ADRA1D: variants seen among roughly 807,000 people sequenced by gnomAD.
ADRA1D encodes adrenoceptor alpha 1D.
ADRA1D carries 22 observed loss-of-function variants against 18.6 expected under a neutral mutation model. That is an observed-to-expected ratio of 1.19 (90% CI 0.85 to 1.69). The LOEUF (loss-of-function observed/expected upper bound fraction) is 1.69. Among genes scored for constraint, ADRA1D ranks in the 40% most tolerant of loss-of-function variants. The pLI is 0.00. For synonymous variants in ADRA1D, 376 were observed against 388.2 expected (o/e 0.97, Z 0.37); for missense variants, 840 against 840.7 (o/e 1.00, Z 0.01).
At chr20:4,230,005 C>G (rs546409348) in intron 1 of ADRA1D, among the ~76,000 whole-genome samples, 1 of 152,262 alleles carries the variant, frequency 6.6e-6, no homozygotes, top group East Asian at 1.9e-4. Flanking sequence ...TTCCCTGTTG[C>G]TTTTTGGACA....
At chr20:4,230,683 G>A (rs1267032141) in intron 1 of ADRA1D, among the ~76,000 whole-genome samples, 1 of 152,166 alleles carries the variant, frequency 6.6e-6, no homozygotes, top group African/African-American at 2.4e-5. Context: ...GGAATCAATC[G>A]AAACATGGTG....
chr20:4,231,080 C>CTCTTT (rs940558020), intron 1 of ADRA1D, among the ~76,000 whole-genome samples: 5 of 53,698 alleles, frequency 9.3e-5, no homozygotes, highest in Non-Finnish European at 1.8e-4. Flanking sequence ...CTCTCTCTCT[C>CTCTTT]TCTTTTCTTT....
At chr20:4,234,287 A>G (rs1030474368) in intron 1 of ADRA1D, among the ~76,000 whole-genome samples, 2 of 152,208 alleles carry the variant, frequency 1.3e-5, no homozygotes, top group African/African-American at 4.8e-5. Context: ...TGCTGAGGAC[A>G]GACGGCGCTG....
chr20:4,231,038 T>TTC lies in ADRA1D; in HGVS notation c.1112-8909_1112-8908insGA, dbSNP rs71332805. On this transcript the variant is annotated intron_variant, in intron 1 of 1. Transcript: ENST00000379453. Reference sequence around the variant, plus strand: ...TTCTTTTCTCTTTCTCTTTCTTTCTTTTTCTTTCTTTCTTTCTTTCTTTCT... The same window carrying TTC: ...TTCTTTTCTCTTTCTCTTTCTTTCTTTCTTTCTTTCTTTCTTTCTTTCTTTCT... Among the ~76,000 whole-genome samples, 238 of 108,578 alleles carry TTC rather than the reference T, an allele frequency of 2.2e-3. 7 individuals carry two copies. The highest frequency in any genetic ancestry group is 6.3e-3 in the African/African-American group (166 of 26,398). 71.2% of individuals were successfully genotyped at this position (108,578 alleles called of 152,430 possible).
intron 1 of ADRA1D, among the ~76,000 whole-genome samples, chr20:4,242,599 A>C (rs1981238354): frequency 6.6e-6 from 1 of 152,210 alleles, no homozygotes; most frequent in Non-Finnish European, 1.5e-5. Flanking sequence ...AGAGAGGCTC[A>C]GGTGTGGCTC....
intron 1 of ADRA1D, among the ~76,000 whole-genome samples, chr20:4,230,636 C>T (rs1004740925): frequency 6.6e-6 from 1 of 152,232 alleles, no homozygotes; most frequent in African/African-American, 2.4e-5. Context: ...CTCTCCTTTC[C>T]CTTCTGAAAA....
At chr20:4,234,065 C>T (rs974018004) in intron 1 of ADRA1D, among the ~76,000 whole-genome samples, 2 of 152,206 alleles carry the variant, frequency 1.3e-5, no homozygotes, top group African/African-American at 4.8e-5. Flanking sequence ...CCTGTGTCAG[C>T]AAGAAAAGCC....
At chr20:4,245,970 C>T (rs1981327563) in intron 1 of ADRA1D, among the ~76,000 whole-genome samples, 1 of 152,160 alleles carries the variant, frequency 6.6e-6, no homozygotes, top group Admixed American at 6.5e-5. Context: ...GTATCCACTA[C>T]AAAAGCTACA....
intron 1 of ADRA1D, among the ~76,000 whole-genome samples, chr20:4,224,052 A>AG (rs1980735746): frequency 1.3e-5 from 2 of 152,180 alleles, no homozygotes; most frequent in African/African-American, 4.8e-5. Context: ...CAGGCGGGCA[A>AG]GAAAATACCA....
At chr20:4,231,506 C>T (rs747257128) in intron 1 of ADRA1D, among the ~76,000 whole-genome samples, 1 of 152,124 alleles carries the variant, frequency 6.6e-6, no homozygotes, top group Non-Finnish European at 1.5e-5. Flanking sequence ...CTGACTCGAA[C>T]GAAGCAGGGA....
At chr20:4,234,136 G>A (rs1312596883) in intron 1 of ADRA1D, among the ~76,000 whole-genome samples, 1 of 152,212 alleles carries the variant, frequency 6.6e-6, no homozygotes, top group African/African-American at 2.4e-5. Context: ...ACTGAAGCAG[G>A]GGGTTTGTTT....
At chr20:4,231,026 CTCTTTCTTTCTTTTTCTTTCTT>C (rs1270842423) in intron 1 of ADRA1D, among the ~76,000 whole-genome samples, 1 of 122,900 alleles carries the variant, frequency 8.1e-6, no homozygotes, top group Non-Finnish European at 1.7e-5. Context: ...TTTTCTCTTT[CTCTTTCTTTCTTTTTCTTTCTT>C]TCTTTCTTTC....
rs145257479 is a variant in ADRA1D, at chr20:4,239,212, G to C, written c.1111+8635C>G. Among the ~76,000 whole-genome samples, 1 of 152,222 alleles carries C rather than the reference G, an allele frequency of 6.6e-6. No homozygotes were observed. The highest frequency in any genetic ancestry group is 1.9e-4 in the East Asian group (1 of 5,174). ...GGAGTCACACTGATGACCAGGGTAG[G>C]GGTGGGAGTGAGGAAAAAACAGTGT... On this transcript the variant is annotated intron_variant, in intron 1 of 1. Coordinates refer to ENST00000379453, the MANE Select transcript of ADRA1D (RefSeq NM_000678.4). This position sits in a 1 kb window ranked among gnomAD's most constrained non-coding sequence, Gnocchi z 4.9.
chr20:4,231,794 A>T (rs1014235003), intron 1 of ADRA1D, among the ~76,000 whole-genome samples: 5 of 152,170 alleles, frequency 3.3e-5, no homozygotes, highest in Non-Finnish European at 5.9e-5. Context: ...TTAAACAGAG[A>T]AACAGAACTC....
chr20:4,235,746 T>A (rs1272513301), intron 1 of ADRA1D, among the ~76,000 whole-genome samples: 1 of 152,234 alleles, frequency 6.6e-6, no homozygotes, highest in Non-Finnish European at 1.5e-5. Context: ...CCACACTGGC[T>A]TTCAGAGACT....
In ADRA1D at chr20:4,248,965, C is replaced by T; in HGVS notation, c.-8G>A. The T allele has an allele frequency of 7.4e-7, 1 of 1,349,322 alleles. No individual in the cohort carries two copies. Among genetic ancestry groups the T allele is most frequent in the Non-Finnish European group, 9.6e-7 (1 of 1,039,484 alleles). The allele number at this position is 1,349,322 out of a possible 1,614,324, so 83.6% of individuals were successfully genotyped here. ...GAGATCGCGGAAAGTCATCTCAACG[C>T]GCGGCCGTCGGTGGCCGGGCCGGGG... On this transcript the variant is annotated 5_prime_UTR_variant, in exon 1 of 2. Coordinates refer to ENST00000379453, the MANE Select transcript of ADRA1D (RefSeq NM_000678.4).
chr20:4,231,778 C>T (rs1026560433), intron 1 of ADRA1D, among the ~76,000 whole-genome samples: 16 of 152,264 alleles, frequency 1.1e-4, no homozygotes, highest in Admixed American at 7.8e-4. Context: ...CCTCTCCTGA[C>T]ATCACTTAAA....
At chr20:4,227,415 A>T (rs1002081088) in intron 1 of ADRA1D, among the ~76,000 whole-genome samples, 28 of 152,092 alleles carry the variant, frequency 1.8e-4, no homozygotes, top group African/African-American at 6.5e-4. Flanking sequence ...TGCCTAAAGC[A>T]CTATAGGTAA....
At position 4,249,205 on chromosome 20, in the gene ADRA1D, G is replaced by A. The variant is rs1010029815; in HGVS notation, c.-248C>T. On this transcript the variant is annotated 5_prime_UTR_variant, in exon 1 of 2. Coordinates refer to ENST00000379453, the MANE Select transcript of ADRA1D (RefSeq NM_000678.4). ...AAGAGCCGGGGCCCGCTACGCGCGC[G>A]GCGCTCTGAGCGTGCCCGGCAAGCG... 1.1e-4 allele frequency: 18 copies of A among 170,898 alleles called. No individual in the cohort carries two copies. Among genetic ancestry groups the A allele is most frequent in the Non-Finnish European group, 1.8e-4 (15 of 81,924 alleles). The allele number at this position is 170,898 out of a possible 1,614,324, so 10.6% of individuals were successfully genotyped here.
Sources: gnomAD v4.1 joint callset for allele counts (sites outside exome capture counted in the v4.1 genomes callset) on GRCh38, gnomAD v4.1.1 for gene constraint, Gnocchi (gnomAD v3.1) non-coding constraint, MANE v1.5 for transcripts, NCBI Gene and HGNC (gene_info 2026-07-23, HGNC 2026-07-21) for gene names.